The following VEGFA variants were observed in gnomAD, a reference collection of about 807,000 sequenced individuals.
VEGFA encodes vascular endothelial growth factor A, also known as vascular endothelial growth factor A, long form.
VEGFA carries 20 observed loss-of-function variants against 49.7 expected under a neutral mutation model. That is an observed-to-expected ratio of 0.40 (90% CI 0.28 to 0.58). The LOEUF is 0.58. Ranked by LOEUF, VEGFA falls within the 20% of genes least tolerant of loss-of-function variation. The probability of loss-of-function intolerance (pLI) is 0.40; values close to 1 mark genes in which losing one functional copy is unlikely to be tolerated. For missense variants in VEGFA, 505 were observed against 553.5 expected, an observed-to-expected ratio of 0.91 and a Z score of 0.88; for synonymous variants, 219 against 223.4, an observed-to-expected ratio of 0.98 and a Z score of 0.18.
chr6:43,778,400 C>A (rs1448330390), intron 3 of VEGFA, 60 bp from the exon 4 acceptor site: 3 of 1,496,284 alleles, frequency 2.0e-6, no homozygotes, highest in African/African-American at 2.8e-5. Context: ...CCAGGGTTGT[C>A]CCATCTGGGT....
chr6:43,780,819 C>A lies in VEGFA; in HGVS notation c.1034+16C>A. 1 of 1,614,042 alleles carries A rather than the reference C, an allele frequency of 6.2e-7. No homozygotes were observed. Among genetic ancestry groups the A allele is most frequent in the South Asian group, 1.1e-5 (1 of 91,078 alleles). On this transcript the variant is annotated intron_variant, in intron 6 of 7. Coordinates refer to ENST00000672860, the MANE Select transcript of VEGFA (RefSeq NM_003376.6). ...CCTGGAGCGTGTACGTTGGTGCCCG[C>A]TGCTGTCTAATGCCCTGGAGCCTCC...
Position 43,782,043 on chromosome 6 carries a change from G to C in VEGFA, c.1122G>C (p.Ser374=). Reference sequence around the variant, plus strand: ...AATGTTCCTGCAAAAACACAGACTCGCGTTGCAAGGCGAGGCAGCTTGAGT... The same window carrying C: ...AATGTTCCTGCAAAAACACAGACTCCCGTTGCAAGGCGAGGCAGCTTGAGT... The change falls in exon 7 of 8, where the codon TCG becomes TCC. Residue 374 remains serine, a synonymous_variant. Coordinates refer to ENST00000672860, the MANE Select transcript of VEGFA (RefSeq NM_003376.6). 6.2e-7 allele frequency: 1 copy of C among 1,614,096 alleles called. No homozygotes were observed. Among genetic ancestry groups the C allele is most frequent in the Non-Finnish European group, 8.5e-7 (1 of 1,180,012 alleles).
chr6:43,782,078 G>A lies in VEGFA; in HGVS notation c.1157G>A (p.Arg386His), dbSNP rs140461341. Residue 386 changes from arginine (R) to histidine (H), a missense_variant, in exon 7 of 8, where the codon CGT (arginine) becomes CAT (histidine). Arg to His is a conservative substitution (Grantham distance 29). Coordinates refer to ENST00000672860, the MANE Select transcript of VEGFA (RefSeq NM_003376.6). ...GCGAGGCAGCTTGAGTTAAACGAAC[G>A]TACTTGCAGGTTGGTTCCCAGAGGG... 2.4e-5 allele frequency: 39 copies of A among 1,613,662 alleles called. No homozygotes were observed. The highest frequency in any genetic ancestry group is 1.2e-4 in the South Asian group (11 of 91,080).
chr6:43,770,694 C>A lies in VEGFA; in HGVS notation c.-13C>A. 1 of 1,546,462 alleles carries A rather than the reference C, an allele frequency of 6.5e-7. No individual in the cohort carries two copies. Among genetic ancestry groups the A allele is most frequent in the Admixed American group, 1.9e-5 (1 of 51,908 alleles). The stretch of plus-strand genomic sequence containing the variant: ...AGCCCTCCCCCTTGGGATCCCGCAG[C>A]TGACCAGTCGCGCTGACGGACAGAC... On this transcript the variant is annotated 5_prime_UTR_variant, in exon 1 of 8. The change creates a new upstream start codon in the 5' untranslated region. Coordinates refer to ENST00000672860, the MANE Select transcript of VEGFA (RefSeq NM_003376.6).
chr6:43,779,064 G>T, intron 5 of VEGFA, 146 bp downstream of exon 5: 1 of 1,022,648 alleles, frequency 9.8e-7, no homozygotes, highest in South Asian at 1.3e-5. Context: ...CAGCAACAAT[G>T]GGATGGAGCC....
In VEGFA at chr6:43,785,139, T is replaced by G. The variant is rs890601547; in HGVS notation, c.*577T>G. ...AGACTCTGGCATGATCTTTTTTTTGTCCCACTTGGTGGGGCCAGGGTCCTC... is the reference window on the plus strand; with the variant it reads ...AGACTCTGGCATGATCTTTTTTTTGGCCCACTTGGTGGGGCCAGGGTCCTC... On this transcript the variant is annotated 3_prime_UTR_variant, in exon 8 of 8. Coordinates refer to ENST00000672860, the MANE Select transcript of VEGFA (RefSeq NM_003376.6). 1.6e-5 allele frequency: 3 copies of G among 191,236 alleles called. No individual in the cohort carries two copies. Among genetic ancestry groups the G allele is most frequent in the Admixed American group, 6.1e-5 (1 of 16,264 alleles). 11.8% of individuals were successfully genotyped at this position (191,236 alleles called of 1,614,324 possible).
At position 43,770,891 on chromosome 6, in the gene VEGFA, C is replaced by G; in HGVS notation, c.185C>G (p.Ser62Cys). ...CTTTTCGTCCAACTTCTGGGCTGTT[C>G]TCGCTTCGGAGGAGCCGTGGTCCGC... The change falls in exon 1 of 8, where the codon TCT becomes TGT. Residue 62 changes from serine to cysteine, a missense_variant. Around this residue, in one of 2 missense-constraint regions of VEGFA, gnomAD observed 340 missense variants for 321.8 expected, o/e 1.06. Transcript: ENST00000672860. 6.5e-7 allele frequency: 1 copy of G among 1,544,796 alleles called. No homozygotes were observed. The highest frequency in any genetic ancestry group is 8.7e-7 in the Non-Finnish European group (1 of 1,145,498).
intron 1 of VEGFA, chr6:43,772,180 G>A (rs1763840646): frequency 3.1e-6 from 2 of 638,104 alleles, no homozygotes; most frequent in African/African-American, 2.0e-5. Flanking sequence ...CCCAGTGCTA[G>A]GAGGAATTTC....
intron 1 of VEGFA, chr6:43,774,059 G>A (rs1275352578): frequency 3.9e-5 from 21 of 545,380 alleles, no homozygotes; most frequent in Non-Finnish European, 6.9e-5. Context: ...GACCTCGACA[G>A]TGAAGCATTC....
In VEGFA at chr6:43,777,171, G is replaced by A. The variant is rs779329504; in HGVS notation, c.659-298G>A. ...AGACTGTCCTCTGGCATCGAGGTTG[G>A]CCCAGGATTCAGTTCAGCTGTCACA... On this transcript the variant is annotated intron_variant, in intron 2 of 7. Coordinates refer to ENST00000672860, the MANE Select transcript of VEGFA (RefSeq NM_003376.6). The surrounding 1 kb of genome is among the most constrained non-coding windows in gnomAD (Gnocchi z 4.3). 1 of 480,628 alleles carries A rather than the reference G, an allele frequency of 2.1e-6. No individual in the cohort carries two copies. Among genetic ancestry groups the A allele is most frequent in the Non-Finnish European group, 3.9e-6 (1 of 256,646 alleles). 29.8% of individuals were successfully genotyped at this position (480,628 alleles called of 1,614,324 possible).
At chr6:43,782,367 G>T in intron 7 of VEGFA, 1 of 449,974 alleles carries the variant, frequency 2.2e-6, no homozygotes, top group Non-Finnish European at 4.2e-6. Context: ...TGGTGTGGAC[G>T]CAAGCTGTGT....
chr6:43,778,226 C>T (rs1006265010), intron 3 of VEGFA: 2 of 598,020 alleles, frequency 3.3e-6, no homozygotes, highest in East Asian at 2.9e-5. Flanking sequence ...CCAACCCTTG[C>T]AGCCATGTCT....
intron 7 of VEGFA, 69 bp downstream of exon 7, chr6:43,782,156 G>A: frequency 2.5e-6 from 4 of 1,596,708 alleles, no homozygotes; most frequent in Non-Finnish European, 3.4e-6. Context: ...GAGAGAGAAA[G>A]AGAGTGAGCG....
Position 43,774,403 on chromosome 6 carries a change from C to T in VEGFA, c.658+11C>T, listed in dbSNP as rs1416138025. Reference sequence around the variant, plus strand: ...AGAATCATCACGAAGGTGAGTCCCCCTGGCTGTTGGATGGGGTTCCCTGTC... The same window carrying T: ...AGAATCATCACGAAGGTGAGTCCCCTTGGCTGTTGGATGGGGTTCCCTGTC... On this transcript the variant is annotated intron_variant, in intron 2 of 7. Transcript: ENST00000672860. 3.7e-6 allele frequency: 6 copies of T among 1,614,158 alleles called. No individual in the cohort carries two copies. The South Asian group carries it at 6.6e-5, about 18-fold the overall frequency.
In VEGFA at chr6:43,770,760, C is replaced by T. The variant is rs765907790; in HGVS notation, c.54C>T (p.Pro18=). ...CCAGCCCCAGCTACCACCTCCTCCC[C>T]GGCCGGCGGCGGACAGTGGACGCGG... The change falls in exon 1 of 8, where the codon CCC becomes CCT. Residue 18 remains proline, a synonymous_variant. Coordinates refer to ENST00000672860, the MANE Select transcript of VEGFA (RefSeq NM_003376.6). 3.4e-6 allele frequency: 5 copies of T among 1,487,638 alleles called. No homozygotes were observed. The East Asian group carries it at 8.4e-5, about 25-fold the overall frequency. The allele number at this position is 1,487,638 out of a possible 1,614,324, so 92.2% of individuals were successfully genotyped here.
At position 43,784,529 on chromosome 6, in the gene VEGFA, C is replaced by T. The variant is rs1562000508; in HGVS notation, c.1167-12C>T. The T allele has an allele frequency of 1.9e-6, 3 of 1,614,150 alleles. No individual in the cohort carries two copies. The highest frequency in any genetic ancestry group is 1.3e-5 in the African/African-American group (1 of 75,042). On this transcript the variant is annotated splice_polypyrimidine_tract_variant and intron_variant, in intron 7 of 7. Transcript: ENST00000672860. The stretch of plus-strand genomic sequence containing the variant: ...GGCCCTAACCCCAGCCTTTGTTTTC[C>T]ATTTCCCTCAGATGTGACAAGCCGA...
chr6:43,774,414 A>T (rs1226954761), intron 2 of VEGFA, 22 bp downstream of exon 2: 1 of 1,613,920 alleles, frequency 6.2e-7, no homozygotes. Context: ...TGGCTGTTGG[A>T]TGGGGTTCCC....
intron 1 of VEGFA, 194 bp from the exon 2 acceptor site, chr6:43,774,147 A>G (rs991243965): frequency 1.5e-6 from 1 of 649,490 alleles, no homozygotes; most frequent in African/African-American, 1.8e-5. Flanking sequence ...GTTCATAACC[A>G]TAGCAGTCCA....
At chr6:43,784,461 G>A (rs1769059199) in intron 7 of VEGFA, 80 bp from the exon 8 acceptor site, 1 of 1,459,240 alleles carries the variant, frequency 6.9e-7, no homozygotes, top group Admixed American at 1.7e-5. Context: ...GGGGCCCCCA[G>A]GAATGGGGAG....
Sources: allele counts gnomAD v4.1 joint callset, GRCh38; gene constraint gnomAD v4.1.1; regional missense constraint gnomAD v4.1.1; non-coding constraint Gnocchi (gnomAD v3.1); transcripts MANE v1.5; gene names NCBI Gene and HGNC (gene_info 2026-07-23, HGNC 2026-07-21).